PRC1: variants seen among roughly 807,000 people sequenced by gnomAD.
PRC1 encodes the protein protein regulator of cytokinesis 1.
In PRC1, 54 loss-of-function variants were observed where a neutral mutation model predicts 91.2. That is an observed-to-expected ratio of 0.59 (90% CI 0.48 to 0.74). The LOEUF (loss-of-function observed/expected upper bound fraction) is 0.74. Among genes scored for constraint, PRC1 ranks in the 30% least tolerant of loss-of-function variants. The probability of loss-of-function intolerance (pLI) is 0.00; values close to 1 mark genes in which losing one functional copy is unlikely to be tolerated. For missense variants in PRC1, 727 were observed against 746.2 expected, an observed-to-expected ratio of 0.97 and a Z score of 0.30; for synonymous variants, 275 against 263.6, an observed-to-expected ratio of 1.04 and a Z score of -0.42.
rs116673816 is a variant in PRC1 at position 90,991,846 on chromosome 15, C to T, written c.11+2561G>A. ...CTGGCCTCCTTAAGTCCATTGTCAA[C>T]ACAGGAGCCCCAAGTCCTAATCTTC... is the stretch of plus-strand genomic sequence containing the variant. On this transcript the variant is annotated intron_variant, in intron 1 of 14. Coordinates refer to ENST00000394249, the MANE Select transcript of PRC1 (RefSeq NM_003981.4). 3.9e-3 allele frequency among the ~76,000 whole-genome samples: 598 copies of T among 152,256 alleles called. 5 individuals carry two copies. The highest frequency in any genetic ancestry group is 0.014 in the African/African-American group (570 of 41,536).
intron 1 of PRC1, chr15:90,988,314 C>A (rs191640730): frequency 1.3e-5 from 2 of 152,296 alleles, no homozygotes; most frequent in East Asian, 3.9e-4. Flanking sequence ...GCCAGGGGCA[C>A]TGCTCTGAAG....
Position 90,974,876 on chromosome 15 carries a change from A to G in PRC1, c.1204-145T>C, listed in dbSNP as rs1440915900. The G allele has an allele frequency of 3.3e-6, 3 of 908,142 alleles. No homozygotes were observed. Among genetic ancestry groups the G allele is most frequent in the African/African-American group, 3.3e-5 (2 of 60,234 alleles). The allele number at this position is 908,142 out of a possible 1,614,324, so 56.3% of individuals were successfully genotyped here. On this transcript the variant is annotated intron_variant, in intron 9 of 14. Transcript: ENST00000394249. This position sits in a 1 kb window ranked among gnomAD's most constrained non-coding sequence, Gnocchi z 4.6. ...AGCTGGGCCCACATGGGTACAGGTC[A>G]GAGTGACCAGAAATCAAAGCCCGGA...
At chr15:90,979,677 G>C (rs964759937) in intron 7 of PRC1, among the ~76,000 whole-genome samples, 3 of 152,206 alleles carry the variant, frequency 2.0e-5, no homozygotes, top group African/African-American at 4.8e-5. Context: ...TTTATATTCA[G>C]TGCAGTTCAG....
rs186658835 is a variant in PRC1, at chr15:90,969,246, T to C, written c.1750-126A>G. 4.4e-4 allele frequency: 543 copies of C among 1,231,872 alleles called. 2 individuals carry two copies. Among genetic ancestry groups the C allele is most frequent in the Admixed American group, 6.0e-4 (29 of 47,966 alleles). 76.3% of individuals were successfully genotyped at this position (1,231,872 alleles called of 1,614,324 possible). A position where few individuals can be genotyped will look rare whatever the true frequency, so the allele number is the denominator to read the frequency against. On this transcript the variant is annotated intron_variant, in intron 13 of 14. Coordinates refer to ENST00000394249, the MANE Select transcript of PRC1 (RefSeq NM_003981.4). ...TAAGCAGAAGGATCCAGGTTAAATG[T>C]CTAGTTGCTGCTGCCAACTTCCTTC...
In PRC1 at chr15:90,984,229, CTTTT is replaced by C; in HGVS notation, c.145-93_145-90del. The C allele has an allele frequency of 3.7e-5, 56 of 1,508,398 alleles. No homozygotes were observed. Among genetic ancestry groups the C allele is most frequent in the Non-Finnish European group, 4.9e-5 (55 of 1,116,496 alleles). 93.4% of individuals were successfully genotyped at this position (1,508,398 alleles called of 1,614,324 possible). On this transcript the variant is annotated intron_variant, in intron 2 of 14. Coordinates refer to ENST00000394249, the MANE Select transcript of PRC1 (RefSeq NM_003981.4). This position sits in a 1 kb window ranked among gnomAD's most constrained non-coding sequence, Gnocchi z 5.1. ...ACCAAACTCCTCAAATTTCTTTTTT[CTTTT>C]TCTTTTTTTCTTTGAGATGGAGTCT...
chr15:90,993,113 C>T (rs1453092963), intron 1 of PRC1, among the ~76,000 whole-genome samples: 2 of 144,434 alleles, frequency 1.4e-5, no homozygotes, highest in Non-Finnish European at 3.0e-5. Context: ...TAATTATATC[C>T]ATTAGCCTGG....
At chr15:90,975,004 C>A (rs959594894) in intron 9 of PRC1, among the ~76,000 whole-genome samples, 1 of 152,188 alleles carries the variant, frequency 6.6e-6, no homozygotes, top group Non-Finnish European at 1.5e-5. Context: ...CAGGGAAGAT[C>A]AGCAATATGA....
chr15:90,970,394 G>A lies in PRC1; in HGVS notation c.1572+10C>T, dbSNP rs1259964625. On this transcript the variant is annotated intron_variant, in intron 12 of 14. Coordinates refer to ENST00000394249, the MANE Select transcript of PRC1 (RefSeq NM_003981.4). The stretch of plus-strand genomic sequence containing the variant: ...ATGTGAGGATGTGCTTAGACACAGG[G>A]CATACTAACCTTGCTGCCAGAAGGA... 2 of 1,569,248 alleles carry A rather than the reference G, an allele frequency of 1.3e-6. No individual in the cohort carries two copies. The highest frequency in any genetic ancestry group is 1.8e-6 in the Non-Finnish European group (2 of 1,139,524).
chr15:90,975,274 TG>T, intron 9 of PRC1, among the ~76,000 whole-genome samples: 1 of 152,286 alleles, frequency 6.6e-6, no homozygotes, highest in South Asian at 2.1e-4. Context: ...GGTTAATTTT[TG>T]TATTTTTTAG....
chr15:90,991,246 T>A (rs181145664), intron 1 of PRC1, among the ~76,000 whole-genome samples: 9 of 151,348 alleles, frequency 5.9e-5, no homozygotes, highest in Non-Finnish European at 1.2e-4. Flanking sequence ...TGAAACCCCA[T>A]CTCTACTAGA....
In PRC1 at chr15:90,988,018, C is replaced by T. The variant is rs1414882659; in HGVS notation, c.12-3193G>A. On this transcript the variant is annotated intron_variant, in intron 1 of 14. Transcript: ENST00000394249. ...ACTGACAAACGTTTAAAAGAATTTA[C>T]GGTACTCCCTTCACTTTAGAAATGT... The T allele has an allele frequency of 5.3e-5, 8 of 152,088 alleles. No individual in the cohort carries two copies. The East Asian group carries it at 9.6e-4, about 18-fold the overall frequency. The allele number at this position is 152,088 out of a possible 1,614,324, so 9.4% of individuals were successfully genotyped here.
In PRC1 at chr15:90,984,263, C is replaced by T. The variant is rs1219444384; in HGVS notation, c.145-123G>A. On this transcript the variant is annotated intron_variant, in intron 2 of 14. Coordinates refer to ENST00000394249, the MANE Select transcript of PRC1 (RefSeq NM_003981.4). The surrounding 1 kb of genome is among the most constrained non-coding windows in gnomAD (Gnocchi z 5.1). ...TTTTTCTTTGAGATGGAGTCTCGCT[C>T]TGTTGCCCAGGCTGGAGTGCAATGG... is the stretch of plus-strand genomic sequence containing the variant. 68 of 1,343,628 alleles carry T rather than the reference C, an allele frequency of 5.1e-5. No homozygotes were observed. The highest frequency in any genetic ancestry group is 6.6e-5 in the Non-Finnish European group (65 of 986,812). 83.2% of individuals were successfully genotyped at this position (1,343,628 alleles called of 1,614,324 possible).
intron 1 of PRC1, among the ~76,000 whole-genome samples, chr15:90,992,271 T>C (rs73502773): frequency 0.027 from 4,071 of 152,304 alleles, 187 homozygotes; most frequent in African/African-American, 0.09. Context: ...GACTAACTTA[T>C]TTATTACACT....
Position 90,969,613 on chromosome 15 carries a change from G to A in PRC1, c.1583C>T (p.Ala528Val). Residue 528 changes from alanine to valine, a missense_variant, in exon 13 of 15, where the codon GCT (alanine) becomes GTT (valine). Coordinates refer to ENST00000394249, the MANE Select transcript of PRC1 (RefSeq NM_003981.4). ...TGTTTTCTTCCCTGAACAGGTGGAA[G>A]CAGCGACTGGCTGCAGAGAAAGGAA... ...LPPSGSKPVAASTCSGKKTPR... is the reference protein window; with the variant it reads ...LPPSGSKPVAVSTCSGKKTPR... 1 of 1,595,080 alleles carries A rather than the reference G, an allele frequency of 6.3e-7. No individual in the cohort carries two copies. Among genetic ancestry groups the A allele is most frequent in the Non-Finnish European group, 8.5e-7 (1 of 1,170,810 alleles).
chr15:90,990,069 TG>T (rs1328250181), intron 1 of PRC1, among the ~76,000 whole-genome samples: 1 of 152,070 alleles, frequency 6.6e-6, no homozygotes, highest in African/African-American at 2.4e-5. Flanking sequence ...CCGGGTGCGG[TG>T]GATCACTCCT....
Position 90,980,457 on chromosome 15 carries a change from C to T in PRC1, c.823-68G>A, listed in dbSNP as rs2039090514. On this transcript the variant is annotated intron_variant, in intron 6 of 14. Transcript: ENST00000394249. ...TATTCACTCAGGTTTGCAAAAGATCCCCCCCTTTTAAGTAAAATTATAATG... is the reference window on the plus strand; with the variant it reads ...TATTCACTCAGGTTTGCAAAAGATCTCCCCCTTTTAAGTAAAATTATAATG... 3 of 1,517,316 alleles carry T rather than the reference C, an allele frequency of 2.0e-6. No homozygotes were observed. The South Asian group carries it at 3.8e-5, about 19-fold the overall frequency. The allele number at this position is 1,517,316 out of a possible 1,614,324, so 94.0% of individuals were successfully genotyped here.
chr15:90,977,863 G>A (rs1170794470), intron 8 of PRC1, among the ~76,000 whole-genome samples: 2 of 152,138 alleles, frequency 1.3e-5, no homozygotes, highest in African/African-American at 2.4e-5. Context: ...TGGGATTACA[G>A]GCGTGAGCCA....
At chr15:90,990,337 A>AAAAAT (rs1225615373) in intron 1 of PRC1, among the ~76,000 whole-genome samples, 3 of 151,208 alleles carry the variant, frequency 2.0e-5, no homozygotes, top group Non-Finnish European at 4.4e-5. Flanking sequence ...CTCCATCTCA[A>AAAAAT]AAAATAAAAT....
At chr15:90,981,208 C>A in intron 5 of PRC1, 175 bp from the exon 6 acceptor site, 7 of 856,562 alleles carry the variant, frequency 8.2e-6, no homozygotes, top group Non-Finnish European at 1.2e-5. Context: ...GATCTCAGAC[C>A]CCAAGAATTA....
Sources: allele counts gnomAD v4.1 joint callset (sites outside exome capture counted in the v4.1 genomes callset), GRCh38; gene constraint gnomAD v4.1.1; non-coding constraint Gnocchi (gnomAD v3.1); transcripts MANE v1.5; gene names NCBI Gene and HGNC (gene_info 2026-07-23, HGNC 2026-07-21).